The following SMPX variants were observed in gnomAD, a reference collection of about 807,000 sequenced individuals.
SMPX encodes the protein small muscle protein X-linked.
A neutral mutation model predicts 6.3 loss-of-function variants in SMPX; 2 were observed. That is an observed-to-expected ratio of 0.32 (90% CI 0.13 to 0.99). The LOEUF is 0.99. SMPX is among the 50% of genes least tolerant of loss of function. SMPX has a pLI of 0.49. For synonymous variants in SMPX, 32 were observed against 24.7 expected, an observed-to-expected ratio of 1.30 and a Z score of -0.88; for missense variants, 60 against 66.8, an observed-to-expected ratio of 0.90 and a Z score of 0.36.
At chrX:21,709,770 C>T (rs1308058878) in intron 4 of SMPX, among the ~76,000 whole-genome samples, 1 of 111,930 alleles carries the variant, frequency 8.9e-6, no homozygotes, top group Non-Finnish European at 1.9e-5. Context: ...GGTCACTGTG[C>T]TGGATGACAT....
chrX:21,739,096 G>T (rs1479976718), intron 3 of SMPX, among the ~76,000 whole-genome samples: 1 of 110,183 alleles, frequency 9.1e-6, no homozygotes, highest in Admixed American at 9.7e-5. Flanking sequence ...CCTATGCCCC[G>T]CCTCCACCCC....
At chrX:21,749,910 A>G (rs1211183753) in intron 2 of SMPX, among the ~76,000 whole-genome samples, 1 of 112,118 alleles carries the variant, frequency 8.9e-6, no homozygotes, top group Non-Finnish European at 1.9e-5. Context: ...ACTGGGGCAC[A>G]GGACTCTTTT....
At chrX:21,719,725 C>T (rs774289601) in intron 4 of SMPX, among the ~76,000 whole-genome samples, 10 of 111,242 alleles carry the variant, frequency 9.0e-5, no homozygotes, top group African/African-American at 3.3e-4. Context: ...TTTTGGAACC[C>T]CTCCCCACTA....
chrX:21,714,587 T>G (rs927929557), intron 4 of SMPX, among the ~76,000 whole-genome samples: 4 of 111,962 alleles, frequency 3.6e-5, no homozygotes, highest in African/African-American at 1.3e-4. Flanking sequence ...ATTTCTCCAT[T>G]TATTAACCCC....
At chrX:21,734,734 T>A (rs2092808728) in intron 4 of SMPX, among the ~76,000 whole-genome samples, 1 of 111,440 alleles carries the variant, frequency 9.0e-6, no homozygotes, top group Admixed American at 9.6e-5. Context: ...TCCTTTTCCA[T>A]AAGCCATGAT....
chrX:21,731,699 A>AATGTAT (rs1555973423), intron 4 of SMPX, among the ~76,000 whole-genome samples: 2 of 90,019 alleles, frequency 2.2e-5, no homozygotes, highest in East Asian at 3.9e-4. Context: ...TGTACACATA[A>AATGTAT]ATGTGTATAT....
intron 4 of SMPX, among the ~76,000 whole-genome samples, chrX:21,718,210 T>G (rs1671153944): frequency 1.8e-5 from 2 of 112,580 alleles, no homozygotes; most frequent in Admixed American, 1.9e-4. Flanking sequence ...TGTGGGCCAT[T>G]AATGCTCCAA....
chrX:21,722,449 T>A (rs1243093621), intron 4 of SMPX, among the ~76,000 whole-genome samples: 2 of 112,109 alleles, frequency 1.8e-5, no homozygotes, highest in African/African-American at 6.5e-5. Context: ...CTCTCTGTAT[T>A]ACTTCTTACA....
intron 1 of SMPX, among the ~76,000 whole-genome samples, chrX:21,755,485 G>A (rs959393701): frequency 8.9e-6 from 1 of 112,475 alleles, no homozygotes; most frequent in Non-Finnish European, 1.9e-5. Context: ...AAAAGGCCTT[G>A]TGAACTGTAA....
intron 2 of SMPX, among the ~76,000 whole-genome samples, chrX:21,753,781 T>C (rs1389959729): frequency 2.7e-5 from 3 of 112,085 alleles, no homozygotes; most frequent in African/African-American, 9.7e-5. Context: ...GGACAACTAA[T>C]AACATATGAA....
intron 2 of SMPX, among the ~76,000 whole-genome samples, chrX:21,747,941 G>A (rs1171094849): frequency 8.9e-6 from 1 of 111,878 alleles, no homozygotes; most frequent in Non-Finnish European, 1.9e-5. Flanking sequence ...AAATTCTACA[G>A]GGTTGCATTT....
At chrX:21,741,149 G>C (rs757256634) in intron 3 of SMPX, among the ~76,000 whole-genome samples, 11 of 112,021 alleles carry the variant, frequency 9.8e-5, no homozygotes, top group Non-Finnish European at 2.1e-4. Context: ...GGCCTTGGCA[G>C]ACAGCCAAAG....
intron 3 of SMPX, among the ~76,000 whole-genome samples, chrX:21,742,802 T>C (rs920081289): frequency 1.8e-5 from 2 of 112,507 alleles, no homozygotes; most frequent in Non-Finnish European, 3.8e-5. Context: ...GAAATGGTAA[T>C]AGATATTCTT....
chrX:21,751,789 A>G (rs1275771965), intron 2 of SMPX, among the ~76,000 whole-genome samples: 1 of 112,267 alleles, frequency 8.9e-6, no homozygotes, highest in African/African-American at 3.2e-5. Flanking sequence ...AGAGCTTTAA[A>G]TGGTATTTAC....
At chrX:21,708,887 T>A (rs2092775728) in intron 4 of SMPX, among the ~76,000 whole-genome samples, 1 of 112,488 alleles carries the variant, frequency 8.9e-6, no homozygotes, top group Non-Finnish European at 1.9e-5. Context: ...TTTAGCCACC[T>A]CATATAAGTG....
At chrX:21,724,265 T>C (rs2092794674) in intron 4 of SMPX, among the ~76,000 whole-genome samples, 2 of 111,933 alleles carry the variant, frequency 1.8e-5, no homozygotes, top group African/African-American at 6.5e-5. Flanking sequence ...CCAGACCCAT[T>C]TGTTTGCCAC....
At chrX:21,720,600 G>A (rs959989366) in intron 4 of SMPX, among the ~76,000 whole-genome samples, 1 of 112,717 alleles carries the variant, frequency 8.9e-6, no homozygotes, top group African/African-American at 3.2e-5. Flanking sequence ...AGGAATAGGC[G>A]AATTGATGGA....
At position 21,758,031 on chromosome X, in the gene SMPX, C is replaced by T. The variant is rs999191725; in HGVS notation, c.-102G>A. 17 of 327,543 alleles carry T rather than the reference C, an allele frequency of 5.2e-5. No individual in the cohort carries two copies. The highest frequency in any genetic ancestry group is 1.3e-4 in the Admixed American group (4 of 31,966). The allele number at this position is 327,543 out of a possible 1,213,427, so 27.0% of individuals were successfully genotyped here. A position where few individuals can be genotyped will look rare whatever the true frequency, so the allele number is the denominator to read the frequency against. ...CTCCTTGGAAGGTGGAAGGGGCGCC[C>T]GGTGTCCTCTGAGCTGCGATCTCAA... On this transcript the variant is annotated 5_prime_UTR_variant, in exon 1 of 5. Transcript: ENST00000379494.
chrX:21,717,725 T>C (rs999316338), intron 4 of SMPX, among the ~76,000 whole-genome samples: 5 of 112,327 alleles, frequency 4.5e-5, no homozygotes, highest in Admixed American at 3.8e-4. Flanking sequence ...TGATGGGTGC[T>C]GCTATCCTGG....
Sources: allele counts gnomAD v4.1 joint callset (sites outside exome capture counted in the v4.1 genomes callset), GRCh38; gene constraint gnomAD v4.1.1; transcripts MANE v1.5; gene names NCBI Gene and HGNC (gene_info 2026-07-23, HGNC 2026-07-21).